The following ZNF3 variants were observed in gnomAD, a reference collection of about 807,000 sequenced individuals.
The protein encoded by ZNF3 is C2-H2 type zinc finger protein.
ZNF3 carries 16 observed loss-of-function variants against 36.9 expected under a neutral mutation model. That is an observed-to-expected ratio of 0.43 (90% CI 0.29 to 0.66). ZNF3 has a LOEUF of 0.66. Among genes scored for constraint, ZNF3 ranks in the 30% least tolerant of loss-of-function variants. The probability of loss-of-function intolerance (pLI) is 0.13; values close to 1 mark genes in which losing one functional copy is unlikely to be tolerated. For missense variants in ZNF3, 462 were observed against 543.1 expected (o/e 0.85, Z 1.48); for synonymous variants, 201 against 201.9 (o/e 1.00, Z 0.04).
rs1049095649 is a variant in ZNF3 at position 100,081,127 on chromosome 7, G to A, written c.-198+508C>T. Among the ~76,000 whole-genome samples the A allele has an allele frequency of 3.3e-5, 5 of 152,136 alleles. No homozygotes were observed. The highest frequency in any genetic ancestry group is 1.2e-4 in the African/African-American group (5 of 41,422). On this transcript the variant is annotated intron_variant, in intron 1 of 5. Transcript: ENST00000299667. The surrounding 1 kb of genome is among the most constrained non-coding windows in gnomAD (Gnocchi z 4.3). Reference sequence around the variant, plus strand: ...GTATCACGCGATGCACTGGGCTCCAGCAGGATTACCCCTGGAATCGGCGTC... The same window carrying A: ...GTATCACGCGATGCACTGGGCTCCAACAGGATTACCCCTGGAATCGGCGTC...
At chr7:100,079,790 T>A (rs1019879953) in intron 1 of ZNF3, 134 bp from the exon 2 acceptor site, 1 of 152,078 alleles carries the variant, frequency 6.6e-6, no homozygotes, top group African/African-American at 2.4e-5. Flanking sequence ...CTCAAACTCC[T>A]AAGTTCAAGT....
intron 3 of ZNF3, among the ~76,000 whole-genome samples, chr7:100,076,485 G>A (rs1794131144): frequency 6.6e-6 from 1 of 151,520 alleles, no homozygotes; most frequent in Non-Finnish European, 1.5e-5. Flanking sequence ...GTAGAGATGC[G>A]GTTTCACTGT....
At position 100,070,806 on chromosome 7, in the gene ZNF3, A is replaced by G; in HGVS notation, c.*337T>C. 2 of 1,083,854 alleles carry G rather than the reference A, an allele frequency of 1.8e-6. No homozygotes were observed. Among genetic ancestry groups the G allele is most frequent in the Non-Finnish European group, 1.1e-6 (1 of 891,494 alleles). The allele number at this position is 1,083,854 out of a possible 1,614,324, so 67.1% of individuals were successfully genotyped here. A position where few individuals can be genotyped will look rare whatever the true frequency, so the allele number is the denominator to read the frequency against. On this transcript the variant is annotated 3_prime_UTR_variant, in exon 6 of 6. Coordinates refer to ENST00000299667, the MANE Select transcript of ZNF3 (RefSeq NM_032924.5). ...TGTGCTGACTACGCGGACTCCAACT[A>G]AAGGAATCCATCGAATTCTGTCCCG...
chr7:100,070,501 G>A lies in ZNF3; in HGVS notation c.*642C>T. 2 of 985,562 alleles carry A rather than the reference G, an allele frequency of 2.0e-6. No individual in the cohort carries two copies. The highest frequency in any genetic ancestry group is 2.4e-6 in the Non-Finnish European group (2 of 830,116). 61.1% of individuals were successfully genotyped at this position (985,562 alleles called of 1,614,324 possible). A position where few individuals can be genotyped will look rare whatever the true frequency, so the allele number is the denominator to read the frequency against. On this transcript the variant is annotated 3_prime_UTR_variant, in exon 6 of 6. Transcript: ENST00000299667. ...GGACAACTGGGGGGGATGGCAGGGG[G>A]TCTGCTGGCAATATCACCAGGTTTC...
At chr7:100,064,306 G>A in exon 6 of ZNF3, 4 of 1,613,990 alleles carry the variant, frequency 2.5e-6, no homozygotes, top group South Asian at 1.1e-5. Context: ...GGCTTTCAGC[G>A]GGAAAGGCAG....
Position 100,070,037 on chromosome 7 carries a change from GAA to G in ZNF3, c.*1104_*1105del. The G allele has an allele frequency of 2.0e-6, 2 of 985,892 alleles. No individual in the cohort carries two copies. Among genetic ancestry groups the G allele is most frequent in the Non-Finnish European group, 2.4e-6 (2 of 829,956 alleles). The allele number at this position is 985,892 out of a possible 1,614,324, so 61.1% of individuals were successfully genotyped here. ...TATGCTACAGGATGAGCAGGGTTGG[GAA>G]AACACAATGGAAGGTCATCCCGTCG... On this transcript the variant is annotated 3_prime_UTR_variant, in exon 6 of 6. Coordinates refer to ENST00000299667, the MANE Select transcript of ZNF3 (RefSeq NM_032924.5).
Position 100,071,178 on chromosome 7 carries a change from C to T in ZNF3, c.1306G>A (p.Val436Ile). The T allele has an allele frequency of 1.2e-6, 2 of 1,608,314 alleles. No homozygotes were observed. Among genetic ancestry groups the T allele is most frequent in the South Asian group, 2.2e-5 (2 of 90,506 alleles). Residue 436 changes from valine (V) to isoleucine (I), a missense_variant, in exon 6 of 6, where the codon GTT becomes ATT. Physicochemically the swap from Val to Ile is conservative, Grantham distance 29 (BLOSUM62 3). Coordinates refer to ENST00000299667, the MANE Select transcript of ZNF3 (RefSeq NM_032924.5). Reference sequence around the variant, plus strand: ...TCTCTGATATTTAACTCGGTCGTAACTCTGAGGGAGCTTTTGCTCATGCCG... The same window carrying T: ...TCTCTGATATTTAACTCGGTCGTAATTCTGAGGGAGCTTTTGCTCATGCCG... ...GIGMSKSSLR[V>I]TTELNIREST
downstream of ZNF3, chr7:100,065,088 CT>C: frequency 1.1e-6 from 1 of 941,666 alleles, no homozygotes; most frequent in Non-Finnish European, 1.5e-6. Flanking sequence ...TTATTGAATA[CT>C]TACAGATGGA....
downstream of ZNF3, among the ~76,000 whole-genome samples, chr7:100,069,011 GGAGA>G (rs1001679192): frequency 2.1e-4 from 32 of 150,912 alleles, no homozygotes; most frequent in African/African-American, 7.1e-4. Context: ...TTTTTTTTTA[GGAGA>G]GAGAGCATTT....
At position 100,075,478 on chromosome 7, in the gene ZNF3, C is replaced by T. The variant is rs73395941; in HGVS notation, c.144+64G>A. 7.0e-5 allele frequency: 111 copies of T among 1,592,150 alleles called. No individual in the cohort carries two copies. In the African/African-American group the frequency reaches 1.3e-3, roughly 18 times the overall value. ...TGATGGAGGAGATCAGGGTTTAAAG[C>T]TCTGAATGGGATGTCATTGCACAGA... On this transcript the variant is annotated intron_variant, in intron 4 of 5. Transcript: ENST00000299667.
rs1361825238 is a variant in ZNF3 at position 100,075,544 on chromosome 7, G to C, written c.142C>G (p.Gln48Glu). 2 of 1,614,104 alleles carry C rather than the reference G, an allele frequency of 1.2e-6. No homozygotes were observed. Among genetic ancestry groups the C allele is most frequent in the South Asian group, 2.2e-5 (2 of 91,074 alleles). ...LAAALLKAKS[Q>E]ELVTFEDVAV... is the part of the protein sequence containing the mutation. ...GGATAAACGGAACCACAGCTCACCTGGGACTTGGCCTTTAGGAGCGCAGCC... is the reference window on the plus strand; with the variant it reads ...GGATAAACGGAACCACAGCTCACCTCGGACTTGGCCTTTAGGAGCGCAGCC... The change falls in exon 4 of 6, where the codon CAG (glutamine) becomes GAG (glutamate). Residue 48 changes from glutamine (Q) to glutamate (E), a missense_variant and splice_region_variant. Physicochemically the swap from Gln to Glu is conservative, Grantham distance 29. Transcript: ENST00000299667.
chr7:100,066,376 G>A (rs1386604597), downstream of ZNF3, among the ~76,000 whole-genome samples: 1 of 152,006 alleles, frequency 6.6e-6, no homozygotes, highest in Non-Finnish European at 1.5e-5. Context: ...AGGAGTTCGA[G>A]ACCAGCCTGG....
chr7:100,070,905 A>C lies in ZNF3; in HGVS notation c.*238T>G, dbSNP rs1793024867. The C allele has an allele frequency of 7.6e-7, 1 of 1,311,564 alleles. No homozygotes were observed. Among genetic ancestry groups the C allele is most frequent in the Non-Finnish European group, 9.7e-7 (1 of 1,033,334 alleles). 81.2% of individuals were successfully genotyped at this position (1,311,564 alleles called of 1,614,324 possible). On this transcript the variant is annotated 3_prime_UTR_variant, in exon 6 of 6. Coordinates refer to ENST00000299667, the MANE Select transcript of ZNF3 (RefSeq NM_032924.5). ...ACAGTTTAGTGCAAACTCCTTTCCTAAATGGGGTAACTGGTCCCAGAGCTG... is the reference window on the plus strand; with the variant it reads ...ACAGTTTAGTGCAAACTCCTTTCCTCAATGGGGTAACTGGTCCCAGAGCTG...
Position 100,071,971 on chromosome 7 carries a change from G to T in ZNF3, c.513C>A (p.Ser171Arg), listed in dbSNP as rs746947731. Residue 171 changes from serine (S) to arginine (R), a missense_variant, in exon 6 of 6, where the codon AGC becomes AGA. By Grantham distance (110) the Ser-to-Arg change is moderately radical (BLOSUM62 -1). Transcript: ENST00000299667. ...TGTTCCCAAAATCATTATATTTCTC[G>T]CTTCTCTCTCCCCTGGGGGTTAGCT... Reference protein sequence around the residue: ...EEKLTPRGERSEKYNDFGNSF... With the variant: ...EEKLTPRGERREKYNDFGNSF... 1.9e-6 allele frequency: 3 copies of T among 1,613,918 alleles called. No individual in the cohort carries two copies. Among genetic ancestry groups the T allele is most frequent in the South Asian group, 2.2e-5 (2 of 91,034 alleles).
exon 6 of ZNF3, chr7:100,064,390 C>A: frequency 6.2e-7 from 1 of 1,614,042 alleles, no homozygotes; most frequent in Non-Finnish European, 8.5e-7. Context: ...GAGCTTCAGT[C>A]AGCATGCGGG....
At position 100,072,227 on chromosome 7, in the gene ZNF3, A is replaced by C; in HGVS notation, c.272-15T>G. The stretch of plus-strand genomic sequence containing the variant: ...GGTCTCACGATCTGACACAATAAAA[A>C]ATGCAAATGTCACTTGTTCCTTAGG... On this transcript the variant is annotated splice_polypyrimidine_tract_variant and intron_variant, in intron 5 of 5. Coordinates refer to ENST00000299667, the MANE Select transcript of ZNF3 (RefSeq NM_032924.5). The C allele has an allele frequency of 6.4e-7, 1 of 1,552,238 alleles. No individual in the cohort carries two copies. The highest frequency in any genetic ancestry group is 8.7e-7 in the Non-Finnish European group (1 of 1,153,476).
At chr7:100,066,454 G>A (rs1162126021), downstream of ZNF3, among the ~76,000 whole-genome samples, 2 of 151,884 alleles carry the variant, frequency 1.3e-5, no homozygotes, top group African/African-American at 4.8e-5. Context: ...AAATAAGGCC[G>A]AGCGTGGTGG....
rs1436504333 is a variant in ZNF3 at position 100,070,621 on chromosome 7, T to C, written c.*522A>G. 2.0e-6 allele frequency: 2 copies of C among 989,400 alleles called. No homozygotes were observed. The highest frequency in any genetic ancestry group is 3.5e-5 in the African/African-American group (2 of 57,330). The allele number at this position is 989,400 out of a possible 1,614,324, so 61.3% of individuals were successfully genotyped here. On this transcript the variant is annotated 3_prime_UTR_variant, in exon 6 of 6. Transcript: ENST00000299667. ...ATCTCTTCTACCCTCAATAAAATAATCCCTCAATGCCAAATTTCCATAATT... is the reference window on the plus strand; with the variant it reads ...ATCTCTTCTACCCTCAATAAAATAACCCCTCAATGCCAAATTTCCATAATT...
chr7:100,064,760 C>T (rs145531972), exon 6 of ZNF3: 2 of 1,614,070 alleles, frequency 1.2e-6, no homozygotes, highest in South Asian at 1.1e-5. Flanking sequence ...AGTGCGAGCT[C>T]CACAGCAACA....
Sources: gnomAD v4.1 joint callset for allele counts (sites outside exome capture counted in the v4.1 genomes callset) on GRCh38, gnomAD v4.1.1 for gene constraint, Gnocchi (gnomAD v3.1) non-coding constraint, MANE v1.5 for transcripts, NCBI Gene and HGNC (gene_info 2026-07-23, HGNC 2026-07-21) for gene names.